WWOX: variants seen among roughly 807,000 people sequenced by gnomAD.
WWOX encodes the protein WW domain-containing oxidoreductase.
Under a neutral mutation model 46.2 loss-of-function variants are expected in WWOX, and 69 were observed. The observed-to-expected ratio is 1.49, with a 90% CI of 1.23 to 1.82. The LOEUF (loss-of-function observed/expected upper bound fraction) is 1.82. Ranked by LOEUF, WWOX falls within the 40% of genes most tolerant of loss-of-function variation. The pLI is 0.00. For synonymous variants in WWOX, 359 were observed against 202.6 expected, an observed-to-expected ratio of 1.77 and a Z score of -6.56; for missense variants, 919 against 542.6, an observed-to-expected ratio of 1.69 and a Z score of -6.89.
chr16:78,468,264 CTTTTTTTTT>C (rs57174158), intron 8 of WWOX, among the ~76,000 whole-genome samples: 1 of 136,686 alleles, frequency 7.3e-6, no homozygotes, highest in Non-Finnish European at 1.6e-5. Context: ...GGCTGCCTTT[CTTTTTTTTT>C]TTTTTTTTTA....
intron 8 of WWOX, among the ~76,000 whole-genome samples, chr16:78,618,278 G>T (rs543662217): frequency 3.7e-4 from 57 of 152,292 alleles, no homozygotes; most frequent in South Asian, 1.2e-3. Flanking sequence ...GTTTTATTTT[G>T]CTTGGGCTGC....
At chr16:78,592,186 C>A (rs2045368174) in intron 8 of WWOX, among the ~76,000 whole-genome samples, 1 of 152,142 alleles carries the variant, frequency 6.6e-6, no homozygotes, top group Non-Finnish European at 1.5e-5. Context: ...GGCAAAGAAG[C>A]TTTTTGCAAA....
intron 8 of WWOX, among the ~76,000 whole-genome samples, chr16:78,497,229 C>G (rs1044380548): frequency 1.6e-5 from 1 of 62,700 alleles, no homozygotes; most frequent in Non-Finnish European, 5.5e-5. Flanking sequence ...ACAGCACATA[C>G]TCATTTTTTT....
chr16:79,080,715 C>G (rs1309786724), intron 8 of WWOX, among the ~76,000 whole-genome samples: 1 of 152,084 alleles, frequency 6.6e-6, no homozygotes, highest in Non-Finnish European at 1.5e-5. Flanking sequence ...ACCTGTAATC[C>G]CAGCCACTTG....
chr16:78,550,497 C>T (rs902214952), intron 8 of WWOX, among the ~76,000 whole-genome samples: 2 of 152,192 alleles, frequency 1.3e-5, no homozygotes, highest in African/African-American at 2.4e-5. Context: ...TGGTCAAGAG[C>T]ACTTGTTTGT....
At chr16:78,558,269 G>A (rs561588260) in intron 8 of WWOX, among the ~76,000 whole-genome samples, 24 of 152,250 alleles carry the variant, frequency 1.6e-4, no homozygotes, top group African/African-American at 5.3e-4. Context: ...CTCCATCCTC[G>A]TTTCCCAGTC....
chr16:78,914,256 A>G (rs1007703228), intron 8 of WWOX, among the ~76,000 whole-genome samples: 1 of 151,974 alleles, frequency 6.6e-6, no homozygotes, highest in Non-Finnish European at 1.5e-5. Context: ...ATTCATTGCT[A>G]ATTTATTAGT....
chr16:78,876,601 C>G (rs1441778988), intron 8 of WWOX, among the ~76,000 whole-genome samples: 3 of 151,756 alleles, frequency 2.0e-5, no homozygotes, highest in African/African-American at 7.3e-5. Context: ...ACTTATTTTG[C>G]TTTGGATAAT....
intron 8 of WWOX, among the ~76,000 whole-genome samples, chr16:78,439,775 G>C (rs540532046): frequency 9.9e-5 from 15 of 152,206 alleles, no homozygotes; most frequent in African/African-American, 3.6e-4. Flanking sequence ...GGCAGCAAGG[G>C]TTGTGTTTGG....
At chr16:78,858,278 T>C (rs935653804) in intron 8 of WWOX, among the ~76,000 whole-genome samples, 2 of 150,656 alleles carry the variant, frequency 1.3e-5, no homozygotes, top group African/African-American at 4.9e-5. Context: ...CAGATTTCAG[T>C]GTACCCATCT....
chr16:78,704,626 C>G (rs1458231683), intron 8 of WWOX, among the ~76,000 whole-genome samples: 2 of 152,150 alleles, frequency 1.3e-5, no homozygotes, highest in East Asian at 3.9e-4. Context: ...ATTAGTCATG[C>G]ATTCTTGGTC....
intron 5 of WWOX, among the ~76,000 whole-genome samples, chr16:78,169,405 GGCTTCTGTT>G (rs1322652432): frequency 6.6e-6 from 1 of 151,744 alleles, no homozygotes; most frequent in African/African-American, 2.4e-5. Context: ...ATTGGAGTTG[GGCTTCTGTT>G]GCTTTATTTC....
intron 8 of WWOX, among the ~76,000 whole-genome samples, chr16:78,498,065 C>T (rs1024681495): frequency 4.6e-5 from 7 of 151,620 alleles, no homozygotes; most frequent in Admixed American, 6.6e-5. Context: ...ATTAGCTGTG[C>T]GTGGTGGCGG....
intron 5 of WWOX, among the ~76,000 whole-genome samples, chr16:78,208,574 G>C (rs1027932152): frequency 4.6e-5 from 7 of 152,132 alleles, no homozygotes; most frequent in African/African-American, 1.7e-4. Context: ...GCAAACAAAG[G>C]CATAAATGCA....
rs565411203 is a variant in WWOX, at chr16:78,837,010, G to A, written c.1057-374598G>A. ...GGTTGTTCTCTAGAACATAGAAGCC[G>A]CTTCTTCATCCCACACAATGGAAAC... is the stretch of plus-strand genomic sequence containing the variant. On this transcript the variant is annotated intron_variant, in intron 8 of 8. Coordinates refer to ENST00000566780, the MANE Select transcript of WWOX (RefSeq NM_016373.4). Among the ~76,000 whole-genome samples the A allele has an allele frequency of 5.3e-5, 8 of 152,218 alleles. No homozygotes were observed. In the South Asian group the frequency reaches 1.0e-3, roughly 20 times the overall value.
intron 8 of WWOX, among the ~76,000 whole-genome samples, chr16:78,871,628 A>G (rs1473115771): frequency 1.3e-5 from 2 of 152,136 alleles, no homozygotes; most frequent in African/African-American, 4.8e-5. Context: ...AGAAATGGCT[A>G]TTACCAGGTT....
chr16:78,457,541 T>G (rs2083848426), intron 8 of WWOX, among the ~76,000 whole-genome samples: 1 of 152,124 alleles, frequency 6.6e-6, no homozygotes, highest in African/African-American at 2.4e-5. Context: ...TAAGCTTTAT[T>G]TGGGGAAATC....
At chr16:79,067,420 A>C (rs1168089737) in intron 8 of WWOX, among the ~76,000 whole-genome samples, 1 of 151,866 alleles carries the variant, frequency 6.6e-6, no homozygotes, top group African/African-American at 2.4e-5. Context: ...CCTTTCTTAA[A>C]AACTTTATGA....
At chr16:79,108,475 T>C (rs2049353017) in intron 8 of WWOX, among the ~76,000 whole-genome samples, 1 of 152,234 alleles carries the variant, frequency 6.6e-6, no homozygotes, top group South Asian at 2.1e-4. Flanking sequence ...GGTGCAGGTA[T>C]GTTTGCAGAT....
Sources: allele counts gnomAD v4.1 joint callset (sites outside exome capture counted in the v4.1 genomes callset), GRCh38; gene constraint gnomAD v4.1.1; transcripts MANE v1.5; gene names NCBI Gene and HGNC (gene_info 2026-07-23, HGNC 2026-07-21).